NRP2: variants seen among roughly 807,000 people sequenced by gnomAD.
NRP2 encodes neuropilin 2, also known as neuropilin-2.
A neutral mutation model predicts 110.4 loss-of-function variants in NRP2; 52 were observed. The observed-to-expected ratio is 0.47, with a 90% CI of 0.38 to 0.59. The LOEUF is 0.59. NRP2 is among the 20% of genes least tolerant of loss of function. NRP2 has a pLI of 0.00. For synonymous variants in NRP2, 508 were observed against 468.9 expected (o/e 1.08, Z -1.08); for missense variants, 1,049 against 1,203.0 (o/e 0.87, Z 1.89).
chr2:205,690,551 C>T (rs2056289636), intron 1 of NRP2, among the ~76,000 whole-genome samples: 1 of 150,460 alleles, frequency 6.6e-6, no homozygotes, highest in Admixed American at 6.6e-5. Context: ...GCCTGGCCAA[C>T]ATAGCAAGAC....
chr2:205,720,729 T>C (rs564272304), intron 3 of NRP2, among the ~76,000 whole-genome samples: 28 of 152,340 alleles, frequency 1.8e-4, no homozygotes, highest in Admixed American at 3.9e-4. Context: ...CTGAATTGCC[T>C]CATCCCGGGC....
chr2:205,794,131 G>T (rs2058329944), intron 16 of NRP2, among the ~76,000 whole-genome samples: 1 of 152,088 alleles, frequency 6.6e-6, no homozygotes, highest in South Asian at 2.1e-4. Context: ...TTTTTTTGGA[G>T]ACGGAGTCTC....
At chr2:205,755,626 G>T (rs1399345251) in intron 12 of NRP2, among the ~76,000 whole-genome samples, 1 of 151,396 alleles carries the variant, frequency 6.6e-6, no homozygotes, top group Non-Finnish European at 1.5e-5. Context: ...AAAAAAAGGA[G>T]GGGGAGGCCC....
intron 12 of NRP2, among the ~76,000 whole-genome samples, chr2:205,757,210 A>G: frequency 6.6e-6 from 1 of 152,226 alleles, no homozygotes; most frequent in South Asian, 2.1e-4. Context: ...TATGGGATTG[A>G]GGGAACAGAA....
intron 15 of NRP2, among the ~76,000 whole-genome samples, chr2:205,780,539 T>C (rs564284213): frequency 8.5e-5 from 13 of 152,298 alleles, no homozygotes; most frequent in African/African-American, 2.9e-4. Flanking sequence ...GGTTTCTAGA[T>C]AGTGGTCAAG....
intron 14 of NRP2, 25 bp from the exon 15 acceptor site, chr2:205,766,758 C>A (rs1315820433): frequency 6.2e-7 from 1 of 1,610,330 alleles, no homozygotes; most frequent in Non-Finnish European, 8.5e-7. Context: ...TTAACTAAGT[C>A]CAATTTTTTG....
At chr2:205,738,690 G>A (rs2057388394) in intron 7 of NRP2, among the ~76,000 whole-genome samples, 1 of 152,126 alleles carries the variant, frequency 6.6e-6, no homozygotes, top group South Asian at 2.1e-4. Context: ...ATCAAACCTG[G>A]GAGAGAGGCA....
At chr2:205,743,695 A>C (rs1429006461) in intron 9 of NRP2, 143 bp downstream of exon 9, 10 of 1,447,392 alleles carry the variant, frequency 6.9e-6, no homozygotes, top group Non-Finnish European at 9.1e-6. Context: ...CGTTTGAGAG[A>C]TTACTTTGTG....
chr2:205,785,200 T>G (rs1194035245), intron 15 of NRP2, among the ~76,000 whole-genome samples: 1 of 152,238 alleles, frequency 6.6e-6, no homozygotes, highest in Non-Finnish European at 1.5e-5. Flanking sequence ...GATGCAGTTT[T>G]GATTCTTCAA....
chr2:205,753,070 A>G, intron 12 of NRP2, 95 bp downstream of exon 12: 1 of 1,488,852 alleles, frequency 6.7e-7, no homozygotes, highest in Non-Finnish European at 9.3e-7. Context: ...ATAACTTCCC[A>G]CCGCACAGCA....
chr2:205,761,781 C>T (rs1307749931), intron 12 of NRP2: 1 of 152,190 alleles, frequency 6.6e-6, no homozygotes, highest in Non-Finnish European at 1.5e-5. Flanking sequence ...TCGGCTCTGC[C>T]ATTGAAGTTG....
chr2:205,724,012 GC>G, intron 5 of NRP2, 72 bp downstream of exon 5: 1 of 1,560,258 alleles, frequency 6.4e-7, no homozygotes, highest in Non-Finnish European at 8.8e-7. Flanking sequence ...GTGAAGGGGG[GC>G]TGAGCTCTTA....
At chr2:205,785,167 T>C (rs2058222415) in intron 15 of NRP2, among the ~76,000 whole-genome samples, 1 of 152,256 alleles carries the variant, frequency 6.6e-6, no homozygotes, top group African/African-American at 2.4e-5. Context: ...TTTCAGAAGA[T>C]ATTCTTCTTC....
intron 7 of NRP2, among the ~76,000 whole-genome samples, chr2:205,733,145 C>G (rs849521): frequency 0.27 from 41,067 of 152,056 alleles, 5,980 homozygotes; most frequent in East Asian, 0.6. Context: ...ATGGGATGAG[C>G]TCAGACCTTT....
intron 1 of NRP2, among the ~76,000 whole-genome samples, chr2:205,693,542 C>CA (rs1016784716): frequency 4.1e-4 from 62 of 151,826 alleles, no homozygotes; most frequent in African/African-American, 1.4e-3. Flanking sequence ...AAAAGTACTT[C>CA]AAAAAAAGCA....
chr2:205,769,505 T>TACATAC (rs145002505), intron 15 of NRP2, among the ~76,000 whole-genome samples: 1 of 145,100 alleles, frequency 6.9e-6, no homozygotes, highest in Non-Finnish European at 1.5e-5. Flanking sequence ...TATACATACA[T>TACATAC]ACACACACAC....
chr2:205,706,277 C>T (rs1444999253), intron 2 of NRP2, among the ~76,000 whole-genome samples: 2 of 151,762 alleles, frequency 1.3e-5, no homozygotes, highest in African/African-American at 4.8e-5. Context: ...GTAAACAGTC[C>T]GTGGCCGAGC....
intron 1 of NRP2, among the ~76,000 whole-genome samples, chr2:205,687,891 T>G (rs1296476671): frequency 6.6e-6 from 1 of 151,882 alleles, no homozygotes; most frequent in Admixed American, 6.6e-5. Flanking sequence ...GAGGGAGGGG[T>G]CTGGGGTCAG....
intron 13 of NRP2, among the ~76,000 whole-genome samples, chr2:205,764,984 A>G (rs1432812752): frequency 2.0e-5 from 3 of 152,156 alleles, no homozygotes; most frequent in Non-Finnish European, 2.9e-5. Flanking sequence ...TTTTCCTCCT[A>G]GTTGTAATAA....
Sources: gnomAD v4.1 joint callset for allele counts (sites outside exome capture counted in the v4.1 genomes callset) on GRCh38, gnomAD v4.1.1 for gene constraint, MANE v1.5 for transcripts, NCBI Gene and HGNC (gene_info 2026-07-23, HGNC 2026-07-21) for gene names.